Variants in MUC17 observed in about 807,000 individuals in gnomAD.
MUC17 encodes the protein mucin-17.
Under a neutral mutation model 170.3 loss-of-function variants are expected in MUC17, and 190 were observed. That is an observed-to-expected ratio of 1.12 (90% CI 0.99 to 1.26). MUC17 has a LOEUF of 1.26. Ranked by LOEUF, MUC17 falls within the 50% of genes most tolerant of loss-of-function variation. The pLI, the probability that MUC17 is intolerant of heterozygous loss-of-function variation, is 0.00. For missense variants in MUC17, 6,415 were observed against 5,530.0 expected (o/e 1.16, Z -5.08); for synonymous variants, 2,325 against 2,002.5 (o/e 1.16, Z -4.30).
chr7:101,039,882 G>A lies in MUC17; in HGVS notation c.8466G>A (p.Val2822=). 1.2e-6 allele frequency: 2 copies of A among 1,612,386 alleles called. No individual in the cohort carries two copies. Among genetic ancestry groups the A allele is most frequent in the Non-Finnish European group, 1.7e-6 (2 of 1,179,602 alleles). ...LTSMPVNHTP[V]ASSEAGTLST... ...GTATGCCTGTCAACCACACGCCAGT[G>A]GCCAGTTCTGAGGCTGGCACCCTTT... The change falls in exon 3 of 13, where the codon GTG becomes GTA. Residue 2822 remains valine, a synonymous_variant. Transcript: ENST00000306151.
chr7:101,041,573 G>C lies in MUC17; in HGVS notation c.10157G>C (p.Gly3386Ala). The change falls in exon 3 of 13, where the codon GGT becomes GCT. Residue 3386 changes from glycine to alanine, a missense_variant. Coordinates refer to ENST00000306151, the MANE Select transcript of MUC17 (RefSeq NM_001040105.2). ...AGTTTATCTCCTACAACTGCTGAAG[G>C]TACCAGCATACCAACCTCAAGTCCT... is the stretch of plus-strand genomic sequence containing the variant. ...EASLSPTTAE[G>A]TSIPTSSPSE... 1 of 1,609,582 alleles carries C rather than the reference G, an allele frequency of 6.2e-7. No individual in the cohort carries two copies. Among genetic ancestry groups the C allele is most frequent in the Non-Finnish European group, 8.5e-7 (1 of 1,178,742 alleles).
chr7:101,025,036 T>C (rs10245693), intron 1 of MUC17, among the ~76,000 whole-genome samples: 18 of 150,396 alleles, frequency 1.2e-4, no homozygotes, highest in Non-Finnish European at 2.4e-4. Flanking sequence ...AAAAGAAAAA[T>C]TTAATGGGTT....
Position 101,042,803 on chromosome 7 carries a change from C to T in MUC17, c.11387C>T (p.Thr3796Ile). Reference protein sequence around the residue: ...TTASEGSSSPTTLEGTTTMPM... With the variant: ...TTASEGSSSPITLEGTTTMPM... Reference sequence around the variant, plus strand: ...GCCTCTGAAGGCAGTTCATCTCCTACAACTCTTGAAGGCACCACCACCATG... The same window carrying T: ...GCCTCTGAAGGCAGTTCATCTCCTATAACTCTTGAAGGCACCACCACCATG... Residue 3796 changes from threonine to isoleucine, a missense_variant, in exon 3 of 13, where the codon ACA becomes ATA. By Grantham distance (89) the Thr-to-Ile change is moderately conservative. Transcript: ENST00000306151. 11 of 1,614,190 alleles carry T rather than the reference C, an allele frequency of 6.8e-6. No homozygotes were observed. The highest frequency in any genetic ancestry group is 1.3e-5 in the African/African-American group (1 of 75,040).
At chr7:101,023,608 G>A (rs1794131730) in intron 1 of MUC17, among the ~76,000 whole-genome samples, 1 of 152,112 alleles carries the variant, frequency 6.6e-6, no homozygotes, top group African/African-American at 2.4e-5. Context: ...GTTTCGCCAT[G>A]TTGACCAGGC....
intron 1 of MUC17, among the ~76,000 whole-genome samples, chr7:101,021,318 T>G (rs1212082685): frequency 6.6e-6 from 1 of 151,748 alleles, no homozygotes; most frequent in African/African-American, 2.4e-5. Flanking sequence ...CTTGAGTAGC[T>G]GGGATTACAG....
chr7:101,031,165 C>T lies in MUC17; in HGVS notation c.128C>T (p.Ser43Phe), dbSNP rs753700716. The T allele has an allele frequency of 6.2e-7, 1 of 1,613,844 alleles. No individual in the cohort carries two copies. The highest frequency in any genetic ancestry group is 2.2e-5 in the East Asian group (1 of 44,882). ...GTGTGGGATGGAGGAGGGTGCATCTCCCAAGGGGACGTCTTGAACCGTCAG... is the reference window on the plus strand; with the variant it reads ...GTGTGGGATGGAGGAGGGTGCATCTTCCAAGGGGACGTCTTGAACCGTCAG... Reference protein sequence around the residue: ...RAVWDGGGCISQGDVLNRQCQ... With the variant: ...RAVWDGGGCIFQGDVLNRQCQ... Residue 43 changes from serine (S) to phenylalanine (F), a missense_variant, in exon 2 of 13, where the codon TCC (serine) becomes TTC (phenylalanine). Coordinates refer to ENST00000306151, the MANE Select transcript of MUC17 (RefSeq NM_001040105.2).
At chr7:101,022,520 C>T (rs1216125298) in intron 1 of MUC17, among the ~76,000 whole-genome samples, 1 of 152,148 alleles carries the variant, frequency 6.6e-6, no homozygotes, top group Non-Finnish European at 1.5e-5. Context: ...CTCCCTACTC[C>T]CATCAACAAG....
At position 101,031,769 on chromosome 7, in the gene MUC17, C is replaced by T. The variant is rs1483297547; in HGVS notation, c.353C>T (p.Thr118Ile). The change falls in exon 3 of 13, where the codon ACT (threonine) becomes ATT (isoleucine). Residue 118 changes from threonine (T) to isoleucine (I), a missense_variant. Physicochemically the swap from Thr to Ile is moderately conservative, Grantham distance 89. Transcript: ENST00000306151. ...ATGACACCAACAGAATCCAGAACAA[C>T]TTCAGAATCTACCAGTGACAGCACC... ...TRMTPTESRT[T>I]SESTSDSTTL... 1.2e-6 allele frequency: 2 copies of T among 1,607,380 alleles called. No homozygotes were observed. The highest frequency in any genetic ancestry group is 2.2e-5 in the South Asian group (2 of 90,936).
chr7:101,034,495 G>A lies in MUC17; in HGVS notation c.3079G>A (p.Ala1027Thr), dbSNP rs540219296. The change falls in exon 3 of 13, where the codon GCT becomes ACT. Residue 1027 changes from alanine (A) to threonine (T), a missense_variant. By Grantham distance (58) the Ala-to-Thr change is moderately conservative (BLOSUM62 0). Coordinates refer to ENST00000306151, the MANE Select transcript of MUC17 (RefSeq NM_001040105.2). ...STEASSPPPT[A>T]EGTSMPTSTP... ...TGAAGCCAGTTCACCTCCTCCCACT[G>A]CTGAAGGTACCAGCATGCCAACCTC... 1.9e-5 allele frequency: 30 copies of A among 1,611,150 alleles called. No homozygotes were observed. Among genetic ancestry groups the A allele is most frequent in the African/African-American group, 6.7e-5 (5 of 74,214 alleles).
Position 101,040,511 on chromosome 7 carries a change from A to C in MUC17, c.9095A>C (p.Glu3032Ala), listed in dbSNP as rs1311740490. ...GCCAGTTCCTCTCCTACAACTGCTG[A>C]AGGTACCGGCATACCAATCTCAACT... ...TEASSSPTTA[E>A]GTGIPISTPS... Residue 3032 changes from glutamate to alanine, a missense_variant, in exon 3 of 13, where the codon GAA (glutamate) becomes GCA (alanine). Coordinates refer to ENST00000306151, the MANE Select transcript of MUC17 (RefSeq NM_001040105.2). 1 of 1,611,558 alleles carries C rather than the reference A, an allele frequency of 6.2e-7. No individual in the cohort carries two copies. Among genetic ancestry groups the C allele is most frequent in the Non-Finnish European group, 8.5e-7 (1 of 1,179,072 alleles).
At chr7:101,055,257 A>T (rs60267112) in intron 11 of MUC17, among the ~76,000 whole-genome samples, 6,333 of 151,200 alleles carry the variant, frequency 0.042, 192 homozygotes, top group African/African-American at 0.085. Flanking sequence ...GGATTTTTTT[A>T]AAAAAAAATC....
rs185678447 is a variant in MUC17, at chr7:101,040,410, G to A, written c.8994G>A (p.Pro2998=). 7.7e-5 allele frequency: 124 copies of A among 1,604,698 alleles called. 1 individual carries two copies. Among genetic ancestry groups the A allele is most frequent in the African/African-American group, 6.7e-4 (49 of 73,150 alleles). ...CAAGTATGTCTGTCAGCACCATGCC[G>A]GTGGCCAGTTCTGAGGCTAGCACCC... ...PLTSMSVSTM[P]VASSEASTLS... is the part of the protein sequence containing the mutation. Residue 2998 remains proline, a synonymous_variant, in exon 3 of 13, where the codon CCG becomes CCA. Transcript: ENST00000306151.
chr7:101,031,510 AT>A lies in MUC17; in HGVS notation c.185-87del, dbSNP rs1489252838. On this transcript the variant is annotated intron_variant, in intron 2 of 12. Transcript: ENST00000306151. Reference sequence around the variant, plus strand: ...CGGATGACATCCCTTATCTGAACACATTTTCAGTAAAAAGCCCAACTACAAC... The same window carrying A: ...CGGATGACATCCCTTATCTGAACACATTTCAGTAAAAAGCCCAACTACAAC... 34 of 1,338,532 alleles carry A rather than the reference AT, an allele frequency of 2.5e-5. No individual in the cohort carries two copies. The East Asian group carries it at 8.4e-4, about 33-fold the overall frequency. 82.9% of individuals were successfully genotyped at this position (1,338,532 alleles called of 1,614,324 possible). A position where few individuals can be genotyped will look rare whatever the true frequency, so the allele number is the denominator to read the frequency against.
chr7:101,032,032 A>G lies in MUC17; in HGVS notation c.616A>G (p.Ile206Val), dbSNP rs1794293781. 6 of 1,614,252 alleles carry G rather than the reference A, an allele frequency of 3.7e-6. No individual in the cohort carries two copies. The highest frequency in any genetic ancestry group is 4.5e-5 in the East Asian group (2 of 44,890). ...SSPTTPESTTIPKSTNSEGST... is the reference protein window; with the variant it reads ...SSPTTPESTTVPKSTNSEGST... ...TCCTACTACTCCTGAAAGCACCACC[A>G]TACCCAAATCAACTAACAGTGAAGG... Residue 206 changes from isoleucine to valine, a missense_variant, in exon 3 of 13, where the codon ATA (isoleucine) becomes GTA (valine). Transcript: ENST00000306151.
intron 1 of MUC17, among the ~76,000 whole-genome samples, chr7:101,025,737 C>T (rs1011282320): frequency 2.0e-5 from 3 of 148,886 alleles, no homozygotes; most frequent in Non-Finnish European, 3.0e-5. Flanking sequence ...GAGGTTGCAG[C>T]GAGCCAGGAT....
chr7:101,053,947 C>G (rs1041946668), intron 11 of MUC17, among the ~76,000 whole-genome samples: 1 of 149,354 alleles, frequency 6.7e-6, no homozygotes, highest in African/African-American at 2.5e-5. Flanking sequence ...GAAGTCCCAA[C>G]TACTCATGAG....
rs368040615 is a variant in MUC17 at position 101,043,717 on chromosome 7, C to T, written c.12301C>T (p.Arg4101Trp). The T allele has an allele frequency of 3.1e-6, 5 of 1,614,072 alleles. No homozygotes were observed. The African/African-American group carries it at 4.0e-5, about 13-fold the overall frequency. The change falls in exon 3 of 13, where the codon CGG becomes TGG. Residue 4101 changes from arginine (R) to tryptophan (W), a missense_variant. Coordinates refer to ENST00000306151, the MANE Select transcript of MUC17 (RefSeq NM_001040105.2). ...TMTTRTKPST[R>W]TTSFPTVTTT... Reference sequence around the variant, plus strand: ...GACCACCAGGACAAAACCCAGCACACGGACCACTTCCTTCCCCACGGTGAC... The same window carrying T: ...GACCACCAGGACAAAACCCAGCACATGGACCACTTCCTTCCCCACGGTGAC...
In MUC17 at chr7:101,042,816, C is replaced by T. The variant is rs991073187; in HGVS notation, c.11400C>T (p.Gly3800=). Residue 3800 remains glycine, a synonymous_variant, in exon 3 of 13, where the codon GGC becomes GGT. Coordinates refer to ENST00000306151, the MANE Select transcript of MUC17 (RefSeq NM_001040105.2). ...GTTCATCTCCTACAACTCTTGAAGG[C>T]ACCACCACCATGCCTATGTCAACTA... ...EGSSSPTTLE[G]TTTMPMSTTS... The T allele has an allele frequency of 6.2e-7, 1 of 1,614,126 alleles. No individual in the cohort carries two copies. The highest frequency in any genetic ancestry group is 8.5e-7 in the Non-Finnish European group (1 of 1,179,996).
In MUC17 at chr7:101,031,172, G is replaced by A; in HGVS notation, c.135G>A (p.Gly45=). ...ATGGAGGAGGGTGCATCTCCCAAGG[G>A]GACGTCTTGAACCGTCAGTGCCAGC... ...VWDGGGCISQ[G]DVLNRQCQQL... The change falls in exon 2 of 13, where the codon GGG becomes GGA. Residue 45 remains glycine, a synonymous_variant. Coordinates refer to ENST00000306151, the MANE Select transcript of MUC17 (RefSeq NM_001040105.2). 3 of 1,613,846 alleles carry A rather than the reference G, an allele frequency of 1.9e-6. No homozygotes were observed. Among genetic ancestry groups the A allele is most frequent in the Non-Finnish European group, 2.5e-6 (3 of 1,179,892 alleles).
Sources: gnomAD v4.1 joint callset for allele counts (sites outside exome capture counted in the v4.1 genomes callset) on GRCh38, gnomAD v4.1.1 for gene constraint, MANE v1.5 for transcripts, NCBI Gene and HGNC (gene_info 2026-07-23, HGNC 2026-07-21) for gene names.